The following ENTPD1 variants were observed in gnomAD, a reference collection of about 807,000 sequenced individuals.
ENTPD1 encodes the protein ATP diphosphohydrolase.
A neutral mutation model predicts 57.0 loss-of-function variants in ENTPD1; 33 were observed. That is an observed-to-expected ratio of 0.58 (90% CI 0.44 to 0.77). The LOEUF is 0.77. Among genes scored for constraint, ENTPD1 ranks in the 30% least tolerant of loss-of-function variants. The pLI, the probability that ENTPD1 is intolerant of heterozygous loss-of-function variation, is 0.00. For synonymous variants in ENTPD1, 202 were observed against 218.8 expected, an observed-to-expected ratio of 0.92 and a Z score of 0.68; for missense variants, 501 against 603.4, an observed-to-expected ratio of 0.83 and a Z score of 1.78.
intron 1 of ENTPD1, among the ~76,000 whole-genome samples, chr10:95,798,876 T>C (rs2140317887): frequency 6.6e-6 from 1 of 152,360 alleles, no homozygotes; most frequent in Middle Eastern, 3.4e-3. Context: ...GCCTTCCTTC[T>C]GTGGCTGCAC....
rs532006750 is a variant in ENTPD1 at position 95,740,057 on chromosome 10, A to G, written c.37+28064A>G. ...GTTAGCTTAAAATATTCAGTAAACC[A>G]TGCTGTAAACAGATTTACAGTCATC... On this transcript the variant is annotated intron_variant, in intron 1 of 9. Coordinates refer to the ENTPD1 transcript ENST00000453258. Among the ~76,000 whole-genome samples the G allele has an allele frequency of 2.0e-5, 3 of 152,330 alleles. No homozygotes were observed. In the South Asian group the frequency reaches 6.2e-4, roughly 32 times the overall value.
At chr10:95,755,847 AG>A, upstream of ENTPD1, 1 of 1,504,358 alleles carries the variant, frequency 6.6e-7, no homozygotes, top group Non-Finnish European at 8.9e-7. Context: ...GACTTTTTCA[AG>A]GGAGAAAAAG....
chr10:95,808,267 G>C (rs527637869), intron 1 of ENTPD1, among the ~76,000 whole-genome samples: 40 of 152,172 alleles, frequency 2.6e-4, no homozygotes, highest in Non-Finnish European at 5.1e-4. Flanking sequence ...AGGGATAAAG[G>C]CTACTTGATT....
At chr10:95,795,344 T>G (rs1202682654) in intron 1 of ENTPD1, among the ~76,000 whole-genome samples, 4 of 152,142 alleles carry the variant, frequency 2.6e-5, no homozygotes, top group Admixed American at 6.5e-5. Context: ...TGAGTGGTGA[T>G]GTTCACTGAG....
rs1354035732 is a variant in ENTPD1, at chr10:95,868,375, A to G, written c.*1992A>G. Reference sequence around the variant, plus strand: ...CTGTTCCTGATAGGCTTGTAATTTAATATCATTCTGTTCATGTGCTTTGGA... The same window carrying G: ...CTGTTCCTGATAGGCTTGTAATTTAGTATCATTCTGTTCATGTGCTTTGGA... On this transcript the variant is annotated 3_prime_UTR_variant, in exon 10 of 10. Transcript: ENST00000371205. 1 of 985,334 alleles carries G rather than the reference A, an allele frequency of 1.0e-6. No individual in the cohort carries two copies. The highest frequency in any genetic ancestry group is 1.7e-5 in the African/African-American group (1 of 57,234). 61.0% of individuals were successfully genotyped at this position (985,334 alleles called of 1,614,324 possible).
rs895334886 is a variant in ENTPD1, at chr10:95,793,744, T to G, written c.17-29493T>G. Among the ~76,000 whole-genome samples the G allele has an allele frequency of 1.8e-4, 27 of 152,082 alleles. 1 individual carries two copies. Among genetic ancestry groups the G allele is most frequent in the Non-Finnish European group, 4.4e-5 (3 of 68,024 alleles). ...GAGAAACTATGTTTTTAGAAGGTTC[T>G]TTAAAGGAGAAGTCCAGGGCCTACC... On this transcript the variant is annotated intron_variant, in intron 1 of 9. Transcript: ENST00000371205.
intron 1 of ENTPD1, among the ~76,000 whole-genome samples, chr10:95,727,497 A>ATACAGGTGGGT (rs2097984905): frequency 6.6e-6 from 1 of 152,198 alleles, no homozygotes; most frequent in South Asian, 2.1e-4. Flanking sequence ...TCTTTGTGGA[A>ATACAGGTGGGT]AGAATTCCCT....
chr10:95,711,825 C>G (rs559146658), exon 1 of ENTPD1: 4 of 1,299,954 alleles, frequency 3.1e-6, no homozygotes, highest in African/African-American at 1.5e-5. Flanking sequence ...GCCTTTTCTC[C>G]TATTAACCTG....
chr10:95,699,127 A>G, the ENTPD1 span, among the ~76,000 whole-genome samples: 4 of 152,194 alleles, frequency 2.6e-5, no homozygotes, highest in Non-Finnish European at 5.9e-5. Context: ...GTGAGCCATG[A>G]TCACACCAGT....
upstream of ENTPD1, chr10:95,754,540 C>G (rs540924465): frequency 6.6e-6 from 1 of 152,234 alleles, no homozygotes; most frequent in Admixed American, 6.5e-5. Flanking sequence ...TGTGGACATG[C>G]TCTTTTCAAA....
Position 95,785,791 on chromosome 10 carries a change from T to C in ENTPD1, c.16+29536T>C, listed in dbSNP as rs913129305. ...CATTTGTGTGACCACGAATATGTTA[T>C]CAAACTTTTGGACCCCAGTTTTCTC... On this transcript the variant is annotated intron_variant, in intron 1 of 9. Coordinates refer to ENST00000371205, the MANE Select transcript of ENTPD1 (RefSeq NM_001776.6). Among the ~76,000 whole-genome samples the C allele has an allele frequency of 2.0e-5, 3 of 152,238 alleles. No individual in the cohort carries two copies. In the East Asian group the frequency reaches 5.8e-4, roughly 29 times the overall value.
chr10:95,757,289 C>T (rs1401052139), intron 1 of ENTPD1, among the ~76,000 whole-genome samples: 5 of 152,182 alleles, frequency 3.3e-5, no homozygotes, highest in Non-Finnish European at 7.3e-5. Flanking sequence ...GTCACATGAA[C>T]CTTACAAGTG....
intron 1 of ENTPD1, among the ~76,000 whole-genome samples, chr10:95,720,885 C>T: frequency 6.6e-6 from 1 of 152,212 alleles, no homozygotes; most frequent in Non-Finnish European, 1.5e-5. Flanking sequence ...CCAAAGTCCG[C>T]TTGCCTGAGG....
chr10:95,872,410 A>G lies in ENTPD1; in HGVS notation c.*6027A>G. ...ACACTATACTACACTACAGCCAGGT[A>G]GAATGACTGTTCACCCAACACCACT... On this transcript the variant is annotated 3_prime_UTR_variant, in exon 10 of 10. Coordinates refer to ENST00000371205, the MANE Select transcript of ENTPD1 (RefSeq NM_001776.6). 1.0e-6 allele frequency: 1 copy of G among 985,478 alleles called. No individual in the cohort carries two copies. The highest frequency in any genetic ancestry group is 1.2e-6 in the Non-Finnish European group (1 of 829,930). 61.0% of individuals were successfully genotyped at this position (985,478 alleles called of 1,614,324 possible).
At chr10:95,849,116 A>G (rs961253619) in intron 7 of ENTPD1, among the ~76,000 whole-genome samples, 3 of 152,216 alleles carry the variant, frequency 2.0e-5, no homozygotes, top group African/African-American at 7.2e-5. Context: ...TTGGGGGATT[A>G]TTTGAATCCT....
At chr10:95,799,273 T>C (rs913828086) in intron 1 of ENTPD1, among the ~76,000 whole-genome samples, 11 of 152,162 alleles carry the variant, frequency 7.2e-5, no homozygotes, top group Non-Finnish European at 1.6e-4. Context: ...TTGGTTATTT[T>C]TCCTTATCCT....
intron 1 of ENTPD1, among the ~76,000 whole-genome samples, chr10:95,723,714 G>T (rs1415401250): frequency 6.6e-6 from 1 of 152,150 alleles, no homozygotes; most frequent in East Asian, 1.9e-4. Flanking sequence ...GAGACTTCTG[G>T]CTGTGCCATG....
intron 1 of ENTPD1, among the ~76,000 whole-genome samples, chr10:95,781,603 T>A (rs1387727588): frequency 6.6e-6 from 1 of 151,858 alleles, no homozygotes; most frequent in Non-Finnish European, 1.5e-5. Context: ...AATAAAAAAA[T>A]AAAAATAAAA....
intron 1 of ENTPD1, among the ~76,000 whole-genome samples, chr10:95,765,214 T>G (rs1302552701): frequency 2.6e-5 from 4 of 152,214 alleles, no homozygotes; most frequent in Admixed American, 2.6e-4. Context: ...CAATCTATAG[T>G]TTCTTTGGTT....
Sources: allele counts gnomAD v4.1 joint callset (sites outside exome capture counted in the v4.1 genomes callset), GRCh38; gene constraint gnomAD v4.1.1; transcripts MANE v1.5; gene names NCBI Gene and HGNC (gene_info 2026-07-23, HGNC 2026-07-21).